The following DCLK1 variants were observed in gnomAD, a reference collection of about 807,000 sequenced individuals.
The protein encoded by DCLK1 is doublecortin like kinase 1, also known as serine/threonine-protein kinase DCLK1.
In DCLK1, 16 loss-of-function variants were observed where a neutral mutation model predicts 86.2. The ratio of observed to expected loss-of-function variants is 0.19; its 90% CI spans 0.13 to 0.28. The LOEUF (loss-of-function observed/expected upper bound fraction) is 0.28. Among genes scored for constraint, DCLK1 ranks in the 10% least tolerant of loss-of-function variants. The probability of loss-of-function intolerance (pLI) is 1.00; values close to 1 mark genes in which losing one functional copy is unlikely to be tolerated. For synonymous variants in DCLK1, 369 were observed against 370.5 expected, an observed-to-expected ratio of 1.00 and a Z score of 0.05; for missense variants, 590 against 940.2, an observed-to-expected ratio of 0.63 and a Z score of 4.87.
At chr13:35,916,615 C>T (rs2153125954) in intron 4 of DCLK1, among the ~76,000 whole-genome samples, 1 of 152,220 alleles carries the variant, frequency 6.6e-6, no homozygotes, top group African/African-American at 2.4e-5. Flanking sequence ...TCTCTTTCTC[C>T]TCCTTCCTTT....
chr13:35,931,177 G>A (rs1290886879), intron 4 of DCLK1, among the ~76,000 whole-genome samples: 3 of 152,072 alleles, frequency 2.0e-5, no homozygotes, highest in Non-Finnish European at 4.4e-5. Flanking sequence ...TTGGTCTTTG[G>A]CTAGGCAGGC....
chr13:35,805,346 G>T (rs2087002602), intron 15 of DCLK1: 1 of 224,766 alleles, frequency 4.4e-6, no homozygotes. Flanking sequence ...ATTCAGGTTG[G>T]AGTGCAGTGG....
intron 6 of DCLK1, chr13:35,849,535 A>G: frequency 2.0e-6 from 2 of 979,706 alleles, no homozygotes; most frequent in Non-Finnish European, 2.4e-6. Context: ...ACAATAGACC[A>G]TACACATTAA....
chr13:36,059,727 T>C (rs549778039), intron 3 of DCLK1, among the ~76,000 whole-genome samples: 17 of 152,264 alleles, frequency 1.1e-4, no homozygotes, highest in South Asian at 2.1e-4. Flanking sequence ...TACAAGTAGT[T>C]GGAATAAAAG....
Position 35,913,169 on chromosome 13 carries a change from G to A in DCLK1, c.823+34189C>T, listed in dbSNP as rs965439555. ...TGAAACGGTCCTGGAATACAGCCAC[G>A]TGACTTTGATGATCGTCTGCCCAAA... On this transcript the variant is annotated intron_variant, in intron 4 of 16. Transcript: ENST00000360631. Among the ~76,000 whole-genome samples the A allele has an allele frequency of 2.0e-4, 30 of 152,176 alleles. 1 individual carries two copies. Among genetic ancestry groups the A allele is most frequent in the East Asian group, 1.9e-4 (1 of 5,184 alleles).
At chr13:35,918,630 A>G (rs1036725289) in intron 4 of DCLK1, among the ~76,000 whole-genome samples, 6 of 152,182 alleles carry the variant, frequency 3.9e-5, no homozygotes, top group Admixed American at 3.9e-4. Flanking sequence ...TTGTTGAGCA[A>G]CTACTGGGTG....
At chr13:35,858,122 T>C (rs905614828) in intron 5 of DCLK1, among the ~76,000 whole-genome samples, 2 of 152,014 alleles carry the variant, frequency 1.3e-5, no homozygotes, top group Non-Finnish European at 2.9e-5. Flanking sequence ...AGGGAAACAA[T>C]ACTGGGTGCA....
At chr13:36,090,233 T>C (rs1465953183) in intron 3 of DCLK1, among the ~76,000 whole-genome samples, 3 of 152,174 alleles carry the variant, frequency 2.0e-5, no homozygotes, top group African/African-American at 7.2e-5. Context: ...TTCAGATCTT[T>C]CTGGATGAAA....
chr13:36,022,601 G>T (rs1448585719), intron 3 of DCLK1, among the ~76,000 whole-genome samples: 1 of 152,064 alleles, frequency 6.6e-6, no homozygotes, highest in Non-Finnish European at 1.5e-5. Flanking sequence ...TTTTGACCTT[G>T]CAGAAATATA....
intron 4 of DCLK1, among the ~76,000 whole-genome samples, chr13:35,875,517 C>T (rs966915481): frequency 6.6e-6 from 1 of 152,168 alleles, no homozygotes; most frequent in African/African-American, 2.4e-5. Context: ...TGACACTTTT[C>T]CAAGTACCAA....
At chr13:35,992,382 T>C (rs1224772121) in intron 3 of DCLK1, among the ~76,000 whole-genome samples, 1 of 151,938 alleles carries the variant, frequency 6.6e-6, no homozygotes, top group African/African-American at 2.4e-5. Flanking sequence ...ATGCAACATG[T>C]TGACAGTACT....
chr13:35,821,674 A>G lies in DCLK1; in HGVS notation c.1554+1055T>C, dbSNP rs74044089. Among the ~76,000 whole-genome samples, 25 of 36,352 alleles carry G rather than the reference A, an allele frequency of 6.9e-4. No individual in the cohort carries two copies. The African/African-American group carries it at 8.3e-3, about 12-fold the overall frequency. The allele number at this position is 36,352 out of a possible 152,430, so 23.8% of individuals were successfully genotyped here. ...AAAAGATATATATATAAATATATGT[A>G]TATATATATATATATATGCACAGTA... On this transcript the variant is annotated intron_variant, in intron 11 of 16. Transcript: ENST00000360631.
intron 3 of DCLK1, among the ~76,000 whole-genome samples, chr13:35,978,760 C>T (rs530976082): frequency 2.0e-5 from 3 of 152,276 alleles, no homozygotes; most frequent in East Asian, 1.9e-4. Context: ...CAAGAGATTA[C>T]GTTAGATTTC....
intron 4 of DCLK1, among the ~76,000 whole-genome samples, chr13:35,901,229 G>A (rs1348051163): frequency 6.6e-6 from 1 of 152,154 alleles, no homozygotes; most frequent in African/African-American, 2.4e-5. Flanking sequence ...GCTTACGCCT[G>A]TAATCCCAGC....
chr13:36,014,205 G>C (rs565649384), intron 3 of DCLK1, among the ~76,000 whole-genome samples: 2 of 152,324 alleles, frequency 1.3e-5, no homozygotes, highest in East Asian at 1.9e-4. Context: ...GACCGGAGCT[G>C]TTCCTATTCG....
chr13:35,998,817 G>A (rs1309140628), intron 3 of DCLK1, among the ~76,000 whole-genome samples: 1 of 152,106 alleles, frequency 6.6e-6, no homozygotes, highest in Admixed American at 6.6e-5. Context: ...AGTTAAAGCT[G>A]CAATTATTAC....
intron 1 of DCLK1, among the ~76,000 whole-genome samples, chr13:36,126,957 T>G (rs1886209380): frequency 6.6e-6 from 1 of 152,240 alleles, no homozygotes; most frequent in Non-Finnish European, 1.5e-5. Context: ...GTTCCAGGTT[T>G]CCCTGACTCC....
intron 3 of DCLK1, among the ~76,000 whole-genome samples, chr13:36,000,397 G>A (rs1387307410): frequency 6.6e-6 from 1 of 152,288 alleles, no homozygotes; most frequent in African/African-American, 2.4e-5. Flanking sequence ...AGAAAGTCTA[G>A]GGGTCTGGCC....
rs576960728 is a variant in DCLK1, at chr13:35,967,149, G to A, written c.724-19692C>T. Among the ~76,000 whole-genome samples the A allele has an allele frequency of 6.1e-3, 928 of 151,430 alleles. 7 individuals carry two copies. The highest frequency in any genetic ancestry group is 0.022 in the African/African-American group (896 of 41,198). On this transcript the variant is annotated intron_variant, in intron 3 of 16. Transcript: ENST00000360631. The stretch of plus-strand genomic sequence containing the variant: ...TGAGATGTGAAGAGCGCCTCTGCCC[G>A]GCCGCCACCCCGACTGGGAGGTGAG...
Sources: gnomAD v4.1 joint callset for allele counts (sites outside exome capture counted in the v4.1 genomes callset) on GRCh38, gnomAD v4.1.1 for gene constraint, MANE v1.5 for transcripts, NCBI Gene and HGNC (gene_info 2026-07-23, HGNC 2026-07-21) for gene names.